The following LRRC40 variants were observed in gnomAD, a reference collection of about 807,000 sequenced individuals.
LRRC40 encodes leucine rich repeat containing 40, also known as leucine-rich repeat-containing protein 40.
LRRC40 carries 76 observed loss-of-function variants against 72.8 expected under a neutral mutation model. The observed-to-expected ratio is 1.04, with a 90% confidence interval of 0.87 to 1.26. The LOEUF (loss-of-function observed/expected upper bound fraction) is 1.26, where lower values mean the gene tolerates loss of function less well. Among genes scored for constraint, LRRC40 ranks in the 50% most tolerant of loss-of-function variants. The probability of loss-of-function intolerance (pLI) is 0.00; values close to 1 mark genes in which losing one functional copy is unlikely to be tolerated. For synonymous variants in LRRC40, 243 were observed against 254.2 expected (o/e 0.96, Z 0.42); for missense variants, 684 against 698.9 (o/e 0.98, Z 0.24).
chr1:70,194,238 T>C (rs1187551467), intron 1 of LRRC40, among the ~76,000 whole-genome samples: 2 of 152,106 alleles, frequency 1.3e-5, no homozygotes, highest in African/African-American at 4.8e-5. Flanking sequence ...TCAATGAGTT[T>C]AGAACAGTCA....
intron 11 of LRRC40, among the ~76,000 whole-genome samples, 183 bp downstream of exon 11, chr1:70,155,506 T>C (rs897449225): frequency 6.6e-6 from 1 of 152,024 alleles, no homozygotes; most frequent in Non-Finnish European, 1.5e-5. Context: ...TCAGAACAAA[T>C]GATAAAATTG....
chr1:70,188,452 T>C (rs998998829), intron 2 of LRRC40, among the ~76,000 whole-genome samples: 5 of 152,050 alleles, frequency 3.3e-5, no homozygotes, highest in Non-Finnish European at 7.4e-5. Context: ...ATTGTAACAA[T>C]AGGCCAGGTG....
At chr1:70,186,593 A>G (rs1452985788) in intron 3 of LRRC40, among the ~76,000 whole-genome samples, 1 of 152,186 alleles carries the variant, frequency 6.6e-6, no homozygotes, top group Non-Finnish European at 1.5e-5. Context: ...CAGTTTTTCA[A>G]ACTATGCTTT....
chr1:70,185,188 TA>T (rs1254131229), intron 3 of LRRC40, among the ~76,000 whole-genome samples: 4 of 152,236 alleles, frequency 2.6e-5, no homozygotes, highest in African/African-American at 7.2e-5. Flanking sequence ...TGCATGCTTA[TA>T]ATCAACTCTT....
chr1:70,198,136 G>C (rs145636252), intron 1 of LRRC40, among the ~76,000 whole-genome samples: 2 of 152,088 alleles, frequency 1.3e-5, no homozygotes, highest in Non-Finnish European at 1.5e-5. Flanking sequence ...CCCTAAAATA[G>C]TAGGTTTTCT....
At chr1:70,176,418 G>T (rs1668105111) in intron 6 of LRRC40, among the ~76,000 whole-genome samples, 1 of 151,414 alleles carries the variant, frequency 6.6e-6, no homozygotes, top group South Asian at 2.1e-4. Flanking sequence ...TGTAGTCCCA[G>T]CTACTCAGGA....
intron 14 of LRRC40, 138 bp downstream of exon 14, chr1:70,148,349 G>A (rs549320946): frequency 1.4e-6 from 1 of 714,516 alleles, no homozygotes; most frequent in South Asian, 2.2e-5. Flanking sequence ...GGGACTCTGG[G>A]TTTTGTTACT....
chr1:70,201,469 CACTT>C (rs1256285035), intron 1 of LRRC40, among the ~76,000 whole-genome samples: 1 of 152,124 alleles, frequency 6.6e-6, no homozygotes, highest in African/African-American at 2.4e-5. Context: ...TTACATATGT[CACTT>C]ACTCATTGAA....
intron 1 of LRRC40, among the ~76,000 whole-genome samples, chr1:70,197,519 T>C (rs1237511236): frequency 6.6e-6 from 1 of 151,472 alleles, no homozygotes; most frequent in Non-Finnish European, 1.5e-5. Flanking sequence ...TCTCAAGTGA[T>C]CCTCCCACCT....
chr1:70,158,099 CAAAAAAAAAAAAAA>C (rs35925333), intron 10 of LRRC40, among the ~76,000 whole-genome samples: 2 of 19,196 alleles, frequency 1.0e-4, no homozygotes, highest in African/African-American at 2.3e-4. Flanking sequence ...GACCCTGCCT[CAAAAAAAAAAAAAA>C]AAAAAAAAAA....
chr1:70,179,936 A>C (rs1668204617), intron 5 of LRRC40, among the ~76,000 whole-genome samples: 11 of 152,162 alleles, frequency 7.2e-5, no homozygotes, highest in Admixed American at 5.9e-4. Context: ...ATCTAAAGCA[A>C]AACAACACAA....
intron 2 of LRRC40, among the ~76,000 whole-genome samples, chr1:70,187,684 AGTCAGGCGTAGTGG>A (rs2100325631): frequency 6.6e-6 from 1 of 151,946 alleles, no homozygotes; most frequent in Non-Finnish European, 1.5e-5. Context: ...AATTCTTATT[AGTCAGGCGTAGTGG>A]CGCACACCTG....
At chr1:70,173,597 A>T in intron 8 of LRRC40, 25 bp downstream of exon 8, 1 of 1,508,710 alleles carries the variant, frequency 6.6e-7, no homozygotes, top group South Asian at 1.2e-5. Flanking sequence ...AATTTAACAA[A>T]GAGCTGAATT....
chr1:70,148,507 G>A lies in LRRC40; in HGVS notation c.1683C>T (p.Leu561=), dbSNP rs767517875. 1.2e-5 allele frequency: 20 copies of A among 1,612,140 alleles called. No homozygotes were observed. The highest frequency in any genetic ancestry group is 1.7e-4 in the Middle Eastern group (1 of 6,052). ...NNDLLQIPPE[L]GNCVNLRTLL... ...GTTACCTTAAGTTTACACAATTACC[G>A]AGCTCTGGTGGAATTTGTAAGAGGT... The change falls in exon 14 of 15, where the codon CTC becomes CTT. Residue 561 remains leucine, a synonymous_variant. Transcript: ENST00000370952.
chr1:70,165,742 T>C (rs556923891), intron 9 of LRRC40, among the ~76,000 whole-genome samples: 13 of 152,192 alleles, frequency 8.5e-5, no homozygotes, highest in Admixed American at 1.3e-4. Context: ...AATTTAGAGA[T>C]AATTAAATGC....
intron 1 of LRRC40, among the ~76,000 whole-genome samples, chr1:70,197,252 C>T (rs1213738289): frequency 1.2e-4 from 2 of 16,284 alleles, no homozygotes; most frequent in African/African-American, 2.0e-4. Context: ...TGGGGGGCGG[C>T]GGGGGGGAGG....
At chr1:70,205,299 G>C in intron 1 of LRRC40, 91 bp downstream of exon 1, 1 of 1,264,640 alleles carries the variant, frequency 7.9e-7, no homozygotes. Flanking sequence ...TCTGAGAAAG[G>C]GGGCCAAAGC....
intron 4 of LRRC40, 61 bp downstream of exon 4, chr1:70,184,724 C>CA: frequency 6.8e-7 from 1 of 1,466,022 alleles, no homozygotes; most frequent in Non-Finnish European, 9.2e-7. Flanking sequence ...CTTAATTTCT[C>CA]AGCCTGATGA....
At chr1:70,192,805 C>T (rs1340834581) in intron 1 of LRRC40, among the ~76,000 whole-genome samples, 2 of 151,852 alleles carry the variant, frequency 1.3e-5, no homozygotes, top group Admixed American at 6.6e-5. Flanking sequence ...ACACTGGGGT[C>T]CTCTTGAGGG....
Sources: gnomAD v4.1 joint callset for allele counts (sites outside exome capture counted in the v4.1 genomes callset) on GRCh38, gnomAD v4.1.1 for gene constraint, MANE v1.5 for transcripts, NCBI Gene and HGNC (gene_info 2026-07-23, HGNC 2026-07-21) for gene names.